Variants in PCDHGB7 observed in about 807,000 individuals in gnomAD.
PCDHGB7 encodes protocadherin gamma subfamily B, 7.
Under a neutral mutation model 61.4 loss-of-function variants are expected in PCDHGB7, and 37 were observed. The observed-to-expected ratio is 0.60, with a 90% CI of 0.46 to 0.79. PCDHGB7 has a LOEUF of 0.79. Among genes scored for constraint, PCDHGB7 ranks in the 30% least tolerant of loss-of-function variants. The pLI is 0.00. For missense variants in PCDHGB7, 1,166 were observed against 1,202.5 expected, an observed-to-expected ratio of 0.97 and a Z score of 0.45; for synonymous variants, 464 against 503.5, an observed-to-expected ratio of 0.92 and a Z score of 1.05.
At chr5:141,441,916 C>T (rs1340767725) in intron 1 of PCDHGB7, 9 of 352,248 alleles carry the variant, frequency 2.6e-5, no homozygotes, top group Non-Finnish European at 4.9e-5. Context: ...AGATGTGAGA[C>T]ACAATGCGTG....
At position 141,418,674 on chromosome 5, in the gene PCDHGB7, GCAT is replaced by G. The variant is rs1401114725; in HGVS notation, c.818_820del (p.Ile273del). On this transcript the variant is annotated inframe_deletion, in exon 1 of 4. Transcript: ENST00000398594. ...GTGAAGGCCACTGACCAGGACGAGG[GCAT>G]CAACTCAGAGATCACTTATTCCTTC... is the stretch of plus-strand genomic sequence containing the variant. 1 of 1,614,032 alleles carries G rather than the reference GCAT, an allele frequency of 6.2e-7. No individual in the cohort carries two copies. Among genetic ancestry groups the G allele is most frequent in the Non-Finnish European group, 8.5e-7 (1 of 1,179,882 alleles).
chr5:141,512,897 C>T lies in PCDHGB7; in HGVS notation c.*1724C>T, dbSNP rs1482341871. ...CTCCCACCCCACCCTCTTCCTGTGT[C>T]TCACGCAAGTTTTATACTCTAATAT... On this transcript the variant is annotated 3_prime_UTR_variant, in exon 4 of 4. Coordinates refer to ENST00000398594, the MANE Select transcript of PCDHGB7 (RefSeq NM_018927.4). 1.3e-5 allele frequency: 2 copies of T among 152,274 alleles called. No homozygotes were observed. The highest frequency in any genetic ancestry group is 4.8e-5 in the African/African-American group (2 of 41,470). The allele number at this position is 152,274 out of a possible 1,614,324, so 9.4% of individuals were successfully genotyped here. A position where few individuals can be genotyped will look rare whatever the true frequency, so the allele number is the denominator to read the frequency against.
chr5:141,428,057 G>T, intron 1 of PCDHGB7: 1 of 1,609,044 alleles, frequency 6.2e-7, no homozygotes, highest in Non-Finnish European at 8.5e-7. Flanking sequence ...AGGTGGTGGC[G>T]GTGGACGCAG....
At chr5:141,430,680 C>G (rs990086941) in intron 1 of PCDHGB7, 8 of 1,343,124 alleles carry the variant, frequency 6.0e-6, no homozygotes, top group Non-Finnish European at 8.0e-6. Context: ...TCCCAACTGT[C>G]CCATTCTATG....
intron 1 of PCDHGB7, chr5:141,421,750 C>G: frequency 6.2e-7 from 1 of 1,613,906 alleles, no homozygotes; most frequent in East Asian, 2.2e-5. Flanking sequence ...CCAGCTCAGC[C>G]CTAATAATTA....
At chr5:141,436,829 G>C (rs1194891483) in intron 1 of PCDHGB7, among the ~76,000 whole-genome samples, 3 of 152,214 alleles carry the variant, frequency 2.0e-5, no homozygotes, top group African/African-American at 7.2e-5. Flanking sequence ...AAAATCTTAA[G>C]TGCCTAGGCA....
intron 1 of PCDHGB7, among the ~76,000 whole-genome samples, chr5:141,465,683 A>G (rs2099107378): frequency 6.6e-6 from 1 of 152,236 alleles, no homozygotes; most frequent in African/African-American, 2.4e-5. Context: ...GCTCTTGACC[A>G]GTCTGCTTTT....
Position 141,491,622 on chromosome 5 carries a change from C to T in PCDHGB7, c.2416-3185C>T, listed in dbSNP as rs980546113. 15 of 1,613,786 alleles carry T rather than the reference C, an allele frequency of 9.3e-6. No individual in the cohort carries two copies. Among genetic ancestry groups the T allele is most frequent in the Non-Finnish European group, 1.3e-5 (15 of 1,180,002 alleles). Reference sequence around the variant, plus strand: ...ACTTCACTTTTCTAAGACCCCTCAGCGTTCAGCAGCCCACAGCTCTGGCGC... The same window carrying T: ...ACTTCACTTTTCTAAGACCCCTCAGTGTTCAGCAGCCCACAGCTCTGGCGC... On this transcript the variant is annotated intron_variant, in intron 1 of 3. Transcript: ENST00000398594. This position sits in a 1 kb window ranked among gnomAD's most constrained non-coding sequence, Gnocchi z 6.9.
At chr5:141,478,617 G>T in intron 1 of PCDHGB7, 1 of 1,556,398 alleles carries the variant, frequency 6.4e-7, no homozygotes, top group South Asian at 1.2e-5. Context: ...AGGAAGGAAT[G>T]GAGCTGTTTT....
chr5:141,489,211 A>G lies in PCDHGB7; in HGVS notation c.2416-5596A>G, dbSNP rs1206929838. On this transcript the variant is annotated intron_variant, in intron 1 of 3. Coordinates refer to ENST00000398594, the MANE Select transcript of PCDHGB7 (RefSeq NM_018927.4). This position sits in a 1 kb window ranked among gnomAD's most constrained non-coding sequence, Gnocchi z 4.5. The stretch of plus-strand genomic sequence containing the variant: ...CTACCTTGGAGACAGGACAGCACAG[A>G]CTTACTCTCCACAAAGGGACTTCTG... 2 of 1,462,498 alleles carry G rather than the reference A, an allele frequency of 1.4e-6. No individual in the cohort carries two copies. Among genetic ancestry groups the G allele is most frequent in the Non-Finnish European group, 1.8e-6 (2 of 1,081,560 alleles). The allele number at this position is 1,462,498 out of a possible 1,614,324, so 90.6% of individuals were successfully genotyped here. A position where few individuals can be genotyped will look rare whatever the true frequency, so the allele number is the denominator to read the frequency against.
intron 1 of PCDHGB7, among the ~76,000 whole-genome samples, chr5:141,455,322 G>A (rs376682363): frequency 1.3e-5 from 2 of 152,134 alleles, no homozygotes; most frequent in East Asian, 3.9e-4. Context: ...TTTTGTGTGT[G>A]TGTTTGTGGT....
At chr5:141,443,631 T>C (rs541727440) in intron 1 of PCDHGB7, among the ~76,000 whole-genome samples, 1 of 152,332 alleles carries the variant, frequency 6.6e-6, no homozygotes, top group South Asian at 2.1e-4. Context: ...ATTGTAAAAA[T>C]TGATCCAGAT....
chr5:141,463,466 T>G (rs1400160593), intron 1 of PCDHGB7, among the ~76,000 whole-genome samples: 2 of 142,982 alleles, frequency 1.4e-5, no homozygotes, highest in African/African-American at 5.2e-5. Context: ...TTTTTTTTTT[T>G]GAGATGGAGT....
intron 1 of PCDHGB7, chr5:141,427,712 C>A: frequency 9.5e-7 from 1 of 1,051,464 alleles, no homozygotes; most frequent in Non-Finnish European, 1.4e-6. Context: ...GCGCCTCTGA[C>A]CTGGACCTAG....
chr5:141,421,960 CA>C, intron 1 of PCDHGB7: 1 of 1,612,526 alleles, frequency 6.2e-7, no homozygotes, highest in Admixed American at 1.7e-5. Flanking sequence ...AATGTTTACA[CA>C]GTCCGTATAT....
chr5:141,422,421 T>C, intron 1 of PCDHGB7: 1 of 1,607,810 alleles, frequency 6.2e-7, no homozygotes, highest in Non-Finnish European at 8.5e-7. Context: ...TAGAAAAGAC[T>C]TATGGAAATT....
chr5:141,487,067 G>C lies in PCDHGB7; in HGVS notation c.2416-7740G>C, dbSNP rs765539804. 3 of 1,614,048 alleles carry C rather than the reference G, an allele frequency of 1.9e-6. No individual in the cohort carries two copies. The highest frequency in any genetic ancestry group is 3.3e-5 in the Admixed American group (2 of 60,010). ...ATATGCTGGGGAGGTGCGGACGGCT[G>C]TTCCTATCCCAGCTGACCTCCCACC... On this transcript the variant is annotated intron_variant, in intron 1 of 3. Coordinates refer to ENST00000398594, the MANE Select transcript of PCDHGB7 (RefSeq NM_018927.4). The surrounding 1 kb of genome is among the most constrained non-coding windows in gnomAD (Gnocchi z 5.0).
rs768079276 is a variant in PCDHGB7, at chr5:141,490,997, G to A, written c.2416-3810G>A. On this transcript the variant is annotated intron_variant, in intron 1 of 3. Transcript: ENST00000398594. The surrounding 1 kb of genome is among the most constrained non-coding windows in gnomAD (Gnocchi z 5.4). ...CGTCTCCCTCGCTCTGCTCCTCCTG[G>A]CTCCTTGGTCACCAAGGTGACAGCC... 1.2e-6 allele frequency: 2 copies of A among 1,614,032 alleles called. No individual in the cohort carries two copies. Among genetic ancestry groups the A allele is most frequent in the Admixed American group, 1.7e-5 (1 of 60,030 alleles).
At position 141,511,871 on chromosome 5, in the gene PCDHGB7, A is replaced by T. The variant is rs1306732557; in HGVS notation, c.*698A>T. On this transcript the variant is annotated 3_prime_UTR_variant, in exon 4 of 4. Coordinates refer to ENST00000398594, the MANE Select transcript of PCDHGB7 (RefSeq NM_018927.4). ...TTGTTTTTCATTGTTTGACGTTTCCACTGCATGCCTTGACTTCCCCCACCT... is the reference window on the plus strand; with the variant it reads ...TTGTTTTTCATTGTTTGACGTTTCCTCTGCATGCCTTGACTTCCCCCACCT... 1 of 156,376 alleles carries T rather than the reference A, an allele frequency of 6.4e-6. No homozygotes were observed. The highest frequency in any genetic ancestry group is 1.9e-4 in the East Asian group (1 of 5,268). 9.7% of individuals were successfully genotyped at this position (156,376 alleles called of 1,614,324 possible).
Sources: allele counts gnomAD v4.1 joint callset (sites outside exome capture counted in the v4.1 genomes callset), GRCh38; gene constraint gnomAD v4.1.1; non-coding constraint Gnocchi (gnomAD v3.1); transcripts MANE v1.5; gene names NCBI Gene and HGNC (gene_info 2026-07-23, HGNC 2026-07-21).